Variants in PRMT3 observed in about 807,000 individuals in gnomAD.
PRMT3 encodes protein arginine methyltransferase 3.
PRMT3 carries 62 observed loss-of-function variants against 71.9 expected under a neutral mutation model. That is an observed-to-expected ratio of 0.86 (90% CI 0.70 to 1.07). The LOEUF is 1.07. Among genes scored for constraint, PRMT3 ranks in the 50% least tolerant of loss-of-function variants. The probability of loss-of-function intolerance (pLI) is 0.00; values close to 1 mark genes in which losing one functional copy is unlikely to be tolerated. For missense variants in PRMT3, 663 were observed against 643.0 expected, an observed-to-expected ratio of 1.03 and a Z score of -0.34; for synonymous variants, 213 against 220.4, an observed-to-expected ratio of 0.97 and a Z score of 0.30.
chr11:20,392,455 T>C (rs1308056453), intron 4 of PRMT3, among the ~76,000 whole-genome samples, 195 bp downstream of exon 4: 2 of 152,176 alleles, frequency 1.3e-5, no homozygotes, highest in Admixed American at 6.5e-5. Flanking sequence ...CTAACAAATA[T>C]TGTTTTCACT....
intron 15 of PRMT3, among the ~76,000 whole-genome samples, chr11:20,498,356 A>C (rs143218102): frequency 6.6e-5 from 10 of 152,356 alleles, no homozygotes; most frequent in South Asian, 2.1e-4. Flanking sequence ...TAACAGTGAT[A>C]ACTTTTTAAA....
At chr11:20,504,930 G>C (rs1217683207) in intron 15 of PRMT3, among the ~76,000 whole-genome samples, 10 of 152,038 alleles carry the variant, frequency 6.6e-5, no homozygotes, top group Admixed American at 6.5e-4. Context: ...ACAGAGTTTT[G>C]CCAGGTTGGC....
At chr11:20,423,408 A>G (rs796992648) in intron 9 of PRMT3, among the ~76,000 whole-genome samples, 1 of 152,118 alleles carries the variant, frequency 6.6e-6, no homozygotes, top group African/African-American at 2.4e-5. Context: ...TGGGCCAGCT[A>G]CCTGTTTTTG....
intron 7 of PRMT3, among the ~76,000 whole-genome samples, 184 bp from the exon 8 acceptor site, chr11:20,402,731 TTTTC>T (rs1414359099): frequency 6.6e-6 from 1 of 152,224 alleles, no homozygotes; most frequent in Non-Finnish European, 1.5e-5. Context: ...TCATAAAATA[TTTTC>T]TTTGTGTGTT....
At chr11:20,496,865 T>C (rs984573552) in intron 15 of PRMT3, among the ~76,000 whole-genome samples, 1 of 152,214 alleles carries the variant, frequency 6.6e-6, no homozygotes, top group Non-Finnish European at 1.5e-5. Flanking sequence ...TGTCATTTTC[T>C]CACTTTGAAG....
intron 13 of PRMT3, among the ~76,000 whole-genome samples, chr11:20,484,279 G>A (rs1318159959): frequency 2.0e-5 from 3 of 152,204 alleles, no homozygotes; most frequent in Non-Finnish European, 4.4e-5. Context: ...ATTACAAGGA[G>A]TGCAGGAACA....
intron 9 of PRMT3, among the ~76,000 whole-genome samples, chr11:20,422,612 G>A (rs1289505619): frequency 6.6e-6 from 1 of 152,044 alleles, no homozygotes; most frequent in Non-Finnish European, 1.5e-5. Context: ...TTCCTACCGA[G>A]GTTAGGTAGG....
chr11:20,468,977 A>G (rs1178313893), intron 13 of PRMT3, among the ~76,000 whole-genome samples: 1 of 152,194 alleles, frequency 6.6e-6, no homozygotes, highest in East Asian at 1.9e-4. Context: ...TTAACATGTG[A>G]TATTTATATG....
At chr11:20,477,668 T>G (rs1484864103) in intron 13 of PRMT3, among the ~76,000 whole-genome samples, 2 of 152,178 alleles carry the variant, frequency 1.3e-5, no homozygotes, top group Non-Finnish European at 2.9e-5. Flanking sequence ...TAAATAGATT[T>G]TCTTGAGGTA....
At chr11:20,397,447 A>C in intron 6 of PRMT3, 130 bp from the exon 7 acceptor site, 1 of 884,874 alleles carries the variant, frequency 1.1e-6, no homozygotes, top group South Asian at 1.7e-5. Context: ...TCAGTTGTTC[A>C]AGATAGAATG....
rs767722630 is a variant in PRMT3 at position 20,407,972 on chromosome 11, C to T, written c.833C>T (p.Ala278Val). ...TCTATGTTTGCTGCTAAAGCTGGGGCGAAGAAGGTTCTTGGAGTTGATCAA... is the reference window on the plus strand; with the variant it reads ...TCTATGTTTGCTGCTAAAGCTGGGGTGAAGAAGGTTCTTGGAGTTGATCAA... ...ILSMFAAKAG[A>V]KKVLGVDQSE... The change falls in exon 9 of 16, where the codon GCG becomes GTG. Residue 278 changes from alanine to valine, a missense_variant. Coordinates refer to ENST00000331079, the MANE Select transcript of PRMT3 (RefSeq NM_005788.4). 5 of 1,605,506 alleles carry T rather than the reference C, an allele frequency of 3.1e-6. No individual in the cohort carries two copies. The highest frequency in any genetic ancestry group is 3.3e-5 in the Admixed American group (2 of 59,944).
intron 6 of PRMT3, among the ~76,000 whole-genome samples, 183 bp from the exon 7 acceptor site, chr11:20,397,394 T>C (rs1848848841): frequency 6.6e-6 from 1 of 152,216 alleles, no homozygotes; most frequent in African/African-American, 2.4e-5. Context: ...TGTATAATTG[T>C]TTCTGAATAT....
At chr11:20,482,211 CAG>C (rs1419789472) in intron 13 of PRMT3, among the ~76,000 whole-genome samples, 2 of 151,968 alleles carry the variant, frequency 1.3e-5, no homozygotes. Flanking sequence ...GTTTAAATTT[CAG>C]AGACATTAAA....
chr11:20,492,312 A>G (rs1717093482), intron 13 of PRMT3, among the ~76,000 whole-genome samples: 1 of 152,238 alleles, frequency 6.6e-6, no homozygotes, highest in African/African-American at 2.4e-5. Context: ...GGGGTATCAT[A>G]AGTATCTGGA....
At chr11:20,454,501 G>A (rs758992048) in intron 11 of PRMT3, among the ~76,000 whole-genome samples, 3 of 152,112 alleles carry the variant, frequency 2.0e-5, no homozygotes, top group African/African-American at 7.2e-5. Context: ...TAATACAGGG[G>A]TATATTTAAG....
chr11:20,393,131 C>G (rs898900695), intron 5 of PRMT3, 132 bp downstream of exon 5: 1 of 657,360 alleles, frequency 1.5e-6, no homozygotes, highest in Non-Finnish European at 2.6e-6. Context: ...TAGTTAGTTT[C>G]AGTAGAAAAG....
At chr11:20,395,666 T>G (rs1016246188) in intron 5 of PRMT3, 137 bp from the exon 6 acceptor site, 8 of 839,202 alleles carry the variant, frequency 9.5e-6, no homozygotes, top group Non-Finnish European at 1.4e-5. Context: ...ATGATTAATA[T>G]TCAATTAAAA....
intron 8 of PRMT3, among the ~76,000 whole-genome samples, chr11:20,404,251 T>TTC (rs1849022731): frequency 1.5e-5 from 1 of 67,854 alleles, no homozygotes; most frequent in African/African-American, 4.9e-5. Flanking sequence ...TTTTTTTTTT[T>TTC]TGAGACAGAG....
chr11:20,470,505 A>T (rs1012470739), intron 13 of PRMT3, among the ~76,000 whole-genome samples: 1 of 152,134 alleles, frequency 6.6e-6, no homozygotes, highest in African/African-American at 2.4e-5. Flanking sequence ...CTGTTCCTGC[A>T]TTCGTTTGCT....
Sources: allele counts gnomAD v4.1 joint callset (sites outside exome capture counted in the v4.1 genomes callset), GRCh38; gene constraint gnomAD v4.1.1; transcripts MANE v1.5; gene names NCBI Gene and HGNC (gene_info 2026-07-23, HGNC 2026-07-21).